BIRC5: variants seen among roughly 807,000 people sequenced by gnomAD.
BIRC5 encodes baculoviral IAP repeat-containing protein 5.
In BIRC5, 8 loss-of-function variants were observed where a neutral mutation model predicts 15.8. That is an observed-to-expected ratio of 0.51 (90% confidence interval 0.30 to 0.91). The LOEUF (loss-of-function observed/expected upper bound fraction) is 0.91, where lower values mean the gene tolerates loss of function less well. Ranked by LOEUF, BIRC5 falls within the 40% of genes least tolerant of loss-of-function variation. The probability of loss-of-function intolerance (pLI) is 0.07; values close to 1 mark genes in which losing one functional copy is unlikely to be tolerated. For missense variants in BIRC5, 163 were observed against 178.6 expected, an observed-to-expected ratio of 0.91 and a Z score of 0.50; for synonymous variants, 56 against 64.5, an observed-to-expected ratio of 0.87 and a Z score of 0.63.
chr17:78,216,722 G>A lies in BIRC5; in HGVS notation c.280G>A (p.Glu94Lys). The change falls in exon 3 of 4, where the codon GAA becomes AAA. Residue 94 changes from glutamate to lysine, a missense_variant. Transcript: ENST00000350051. ...TTTCCTTTCTGTCAAGAAGCAGTTT[G>A]AAGAATTAACCCTTGGTGAATTTTT... ...CAFLSVKKQF[E>K]ELTLGEFLKL... is the part of the protein sequence containing the mutation. The A allele has an allele frequency of 1.2e-6, 2 of 1,613,998 alleles. No homozygotes were observed. Among genetic ancestry groups the A allele is most frequent in the Non-Finnish European group, 1.7e-6 (2 of 1,179,936 alleles).
rs553883247 is a variant in BIRC5, at chr17:78,218,647, GGCTGGAGTGCAGTGGCAC to G, written c.339+1868_339+1885del. On this transcript the variant is annotated intron_variant, in intron 3 of 3. Transcript: ENST00000350051. ...AGACAGAGCCTTGCTCTGTCGCCCA[GGCTGGAGTGCAGTGGCAC>G]GATCTCAGCTCACTACAAGCTCCGC... 3.5e-3 allele frequency among the ~76,000 whole-genome samples: 526 copies of G among 150,000 alleles called. 4 individuals are homozygous for G. Among genetic ancestry groups the G allele is most frequent in the African/African-American group, 0.012 (491 of 40,694 alleles).
intron 2 of BIRC5, among the ~76,000 whole-genome samples, chr17:78,215,303 G>C (rs1351531153): frequency 6.6e-6 from 1 of 152,088 alleles, no homozygotes; most frequent in Non-Finnish European, 1.5e-5. Flanking sequence ...CGTAATCCCA[G>C]CTACTCGGGA....
chr17:78,220,772 G>A (rs1384558815), intron 3 of BIRC5, among the ~76,000 whole-genome samples: 1 of 152,114 alleles, frequency 6.6e-6, no homozygotes, highest in Admixed American at 6.6e-5. Flanking sequence ...CCCAGGCTGA[G>A]TGCAGTGGTG....
At chr17:78,216,248 CAA>C (rs55850455) in intron 2 of BIRC5, 71 of 89,914 alleles carry the variant, frequency 7.9e-4, no homozygotes, top group South Asian at 2.8e-3. Flanking sequence ...GACTCCGTCT[CAA>C]AAAAAAAAAA....
At chr17:78,221,058 T>C (rs8076105) in intron 3 of BIRC5, among the ~76,000 whole-genome samples, 62,462 of 152,132 alleles carry the variant, frequency 0.41, 13,044 homozygotes, top group African/African-American at 0.49. Context: ...TTGTTCCTGC[T>C]GCTGCCTCGG....
rs772358465 is a variant in BIRC5 at position 78,216,645 on chromosome 17, G to A, written c.222-19G>A. On this transcript the variant is annotated intron_variant, in intron 2 of 3. Coordinates refer to ENST00000350051, the MANE Select transcript of BIRC5 (RefSeq NM_001168.3). ...TAATCCCTTCAGCTGCCTTTCCGCTGTTGTTTTGATTTTTCTAGAGAGGAA... is the reference window on the plus strand; with the variant it reads ...TAATCCCTTCAGCTGCCTTTCCGCTATTGTTTTGATTTTTCTAGAGAGGAA... 2.0e-5 allele frequency: 33 copies of A among 1,610,696 alleles called. No homozygotes were observed. The East Asian group carries it at 6.9e-4, about 34-fold the overall frequency.
rs2076531517 is a variant in BIRC5 at position 78,223,826 on chromosome 17, G to A, written c.*272G>A. ...GCTCATTTTTGCTGTTTTGATTCCC[G>A]GGCTTACCAGGTGAGAAGTGAGGGA... On this transcript the variant is annotated 3_prime_UTR_variant, in exon 4 of 4. Transcript: ENST00000350051. 4.7e-6 allele frequency: 3 copies of A among 640,048 alleles called. No homozygotes were observed. Among genetic ancestry groups the A allele is most frequent in the Non-Finnish European group, 7.5e-6 (3 of 401,780 alleles). 39.6% of individuals were successfully genotyped at this position (640,048 alleles called of 1,614,324 possible). A position where few individuals can be genotyped will look rare whatever the true frequency, so the allele number is the denominator to read the frequency against.
intron 3 of BIRC5, among the ~76,000 whole-genome samples, chr17:78,219,598 G>A (rs1192557593): frequency 6.6e-6 from 1 of 152,218 alleles, no homozygotes. Context: ...GGTTGTGGGA[G>A]CTGCAGCGTG....
chr17:78,216,824 C>A, intron 3 of BIRC5, 43 bp downstream of exon 3: 1 of 1,467,544 alleles, frequency 6.8e-7, no homozygotes, highest in Non-Finnish European at 9.5e-7. Context: ...TGTTCAATGT[C>A]TTTAGCACTA....
chr17:78,222,904 C>T (rs372704885), intron 3 of BIRC5: 212 of 1,535,160 alleles, frequency 1.4e-4, no homozygotes, highest in Middle Eastern at 5.0e-4. Flanking sequence ...AATTTCTGTT[C>T]GAGGAAGAGC....
intron 3 of BIRC5, among the ~76,000 whole-genome samples, chr17:78,218,046 A>T (rs2661690): frequency 6.6e-6 from 1 of 150,996 alleles, no homozygotes; most frequent in Non-Finnish European, 1.5e-5. Flanking sequence ...CCTGAGCTCA[A>T]GGGATCCTTT....
In BIRC5 at chr17:78,214,736, G is replaced by T. The variant is rs554473952; in HGVS notation, c.168G>T (p.Gln56His). ...CTGAGAACGAGCCAGACTTGGCCCA[G>T]TGTTTCTTCTGCTTCAAGGAGCTGG... Reference protein sequence around the residue: ...CPTENEPDLAQCFFCFKELEG... With the variant: ...CPTENEPDLAHCFFCFKELEG... Residue 56 changes from glutamine (Q) to histidine (H), a missense_variant, in exon 2 of 4, where the codon CAG becomes CAT. By Grantham distance (24) the Gln-to-His change is conservative. Coordinates refer to ENST00000350051, the MANE Select transcript of BIRC5 (RefSeq NM_001168.3). 1 of 1,613,096 alleles carries T rather than the reference G, an allele frequency of 6.2e-7. No homozygotes were observed. The highest frequency in any genetic ancestry group is 1.1e-5 in the South Asian group (1 of 90,822).
Position 78,225,379 on chromosome 17 carries a change from T to A in BIRC5, c.*1825T>A, listed in dbSNP as rs1178235573. 3 of 152,292 alleles carry A rather than the reference T, an allele frequency of 2.0e-5. No homozygotes were observed. The highest frequency in any genetic ancestry group is 4.4e-5 in the Non-Finnish European group (3 of 68,064). 9.4% of individuals were successfully genotyped at this position (152,292 alleles called of 1,614,324 possible). A position where few individuals can be genotyped will look rare whatever the true frequency, so the allele number is the denominator to read the frequency against. On this transcript the variant is annotated 3_prime_UTR_variant, in exon 4 of 4. Coordinates refer to ENST00000350051, the MANE Select transcript of BIRC5 (RefSeq NM_001168.3). ...GCCTAGACTTTCTTTCAGATACATG[T>A]CCACATGTCCATTTTTCAGGTTCTC...
chr17:78,214,472 C>T, intron 1 of BIRC5, 45 bp downstream of exon 1: 1 of 1,479,262 alleles, frequency 6.8e-7, no homozygotes, highest in Middle Eastern at 1.8e-4. Context: ...CCGCCTTGCC[C>T]TGTCCCTAGC....
chr17:78,216,082 C>A, intron 2 of BIRC5: 2 of 622,618 alleles, frequency 3.2e-6, no homozygotes, highest in Non-Finnish European at 4.1e-6. Flanking sequence ...ACCCCGTCTC[C>A]ACTAAAAATA....
At chr17:78,217,557 CGG>C (rs1567864229) in intron 3 of BIRC5, among the ~76,000 whole-genome samples, 1 of 151,990 alleles carries the variant, frequency 6.6e-6, no homozygotes, top group Admixed American at 6.6e-5. Flanking sequence ...AGTGCAGCGA[CGG>C]GATCTCGGCT....
In BIRC5 at chr17:78,223,925, G is replaced by T; in HGVS notation, c.*371G>T. ...GGGCAGAGCCTTCCACAGTGAATGT[G>T]TCTGGACCTCATGTTGTTGAGGCTG... On this transcript the variant is annotated 3_prime_UTR_variant, in exon 4 of 4. Transcript: ENST00000350051. 1 of 292,612 alleles carries T rather than the reference G, an allele frequency of 3.4e-6. No homozygotes were observed. Among genetic ancestry groups the T allele is most frequent in the Non-Finnish European group, 6.3e-6 (1 of 157,692 alleles). 18.1% of individuals were successfully genotyped at this position (292,612 alleles called of 1,614,324 possible). A position where few individuals can be genotyped will look rare whatever the true frequency, so the allele number is the denominator to read the frequency against.
intron 3 of BIRC5, among the ~76,000 whole-genome samples, chr17:78,217,477 C>T: frequency 1.3e-5 from 2 of 150,854 alleles, no homozygotes; most frequent in South Asian, 4.2e-4. Context: ...CACCTGGCCT[C>T]AGGAAGTATT....
At chr17:78,214,651 C>A (rs1037373394) in intron 1 of BIRC5, 29 bp from the exon 2 acceptor site, 35 of 1,555,860 alleles carry the variant, frequency 2.2e-5, no homozygotes, top group Non-Finnish European at 2.8e-5. Flanking sequence ...GCTGCCACGT[C>A]CACTCACGAG....
Sources: allele counts gnomAD v4.1 joint callset (sites outside exome capture counted in the v4.1 genomes callset), GRCh38; gene constraint gnomAD v4.1.1; transcripts MANE v1.5; gene names NCBI Gene and HGNC (gene_info 2026-07-23, HGNC 2026-07-21).